Variants in PPP2R3A observed in about 807,000 individuals in gnomAD.
PPP2R3A encodes the protein protein phosphatase 2 regulatory subunit B''alpha.
Under a neutral mutation model 106.9 loss-of-function variants are expected in PPP2R3A, and 80 were observed. The observed-to-expected ratio is 0.75, with a 90% confidence interval of 0.62 to 0.90. The LOEUF is 0.90. PPP2R3A is among the 40% of genes least tolerant of loss of function. PPP2R3A has a pLI of 0.00. For synonymous variants in PPP2R3A, 483 were observed against 468.3 expected (o/e 1.03, Z -0.41); for missense variants, 1,386 against 1,350.4 (o/e 1.03, Z -0.41).
At chr3:136,023,026 G>T in intron 2 of PPP2R3A, 2 of 1,606,816 alleles carry the variant, frequency 1.2e-6, no homozygotes, top group Non-Finnish European at 1.7e-6. Flanking sequence ...ATTATCTTCA[G>T]AAGTGTGCTG....
chr3:136,059,553 A>G (rs1202430087), intron 5 of PPP2R3A, among the ~76,000 whole-genome samples: 1 of 152,156 alleles, frequency 6.6e-6, no homozygotes, highest in Admixed American at 6.5e-5. Flanking sequence ...TTCAATCATT[A>G]TGGAAGACAG....
At chr3:136,134,575 G>C (rs1416192102) in intron 13 of PPP2R3A, among the ~76,000 whole-genome samples, 1 of 152,054 alleles carries the variant, frequency 6.6e-6, no homozygotes, top group Non-Finnish European at 1.5e-5. Context: ...TATAATCTCA[G>C]TACTTAAAAT....
intron 13 of PPP2R3A, among the ~76,000 whole-genome samples, chr3:136,137,820 C>T (rs978496584): frequency 2.0e-5 from 3 of 151,956 alleles, no homozygotes; most frequent in Admixed American, 6.6e-5. Context: ...GGATTACAGG[C>T]GTGAGCCACC....
intron 1 of PPP2R3A, among the ~76,000 whole-genome samples, chr3:135,975,540 C>G (rs1384471468): frequency 6.6e-6 from 1 of 152,062 alleles, no homozygotes; most frequent in East Asian, 1.9e-4. Context: ...AGCTGATTTC[C>G]TAGATAATAA....
chr3:136,102,270 T>G, intron 11 of PPP2R3A, 88 bp downstream of exon 11: 1 of 1,417,346 alleles, frequency 7.1e-7, no homozygotes, highest in Non-Finnish European at 9.6e-7. Flanking sequence ...TTATTTAACA[T>G]TTCAGAGTCT....
chr3:136,019,383 TG>T (rs1200259986), intron 2 of PPP2R3A, among the ~76,000 whole-genome samples: 1 of 152,228 alleles, frequency 6.6e-6, no homozygotes, highest in Non-Finnish European at 1.5e-5. Flanking sequence ...TTCCTCATTC[TG>T]GTTAGTTCCT....
intron 5 of PPP2R3A, among the ~76,000 whole-genome samples, chr3:136,065,474 G>A: frequency 6.6e-6 from 1 of 151,944 alleles, no homozygotes; most frequent in Admixed American, 6.6e-5. Context: ...TTTTTATTAT[G>A]GAGAATTTTG....
chr3:135,980,308 G>A (rs1453780824), intron 1 of PPP2R3A, among the ~76,000 whole-genome samples: 1 of 151,702 alleles, frequency 6.6e-6, no homozygotes, highest in Non-Finnish European at 1.5e-5. Flanking sequence ...AACAAGGCAG[G>A]TCTCTAAGAA....
intron 2 of PPP2R3A, among the ~76,000 whole-genome samples, chr3:136,020,876 G>A (rs1378703564): frequency 1.3e-5 from 2 of 152,030 alleles, no homozygotes; most frequent in Non-Finnish European, 2.9e-5. Flanking sequence ...TTTGAGAGAC[G>A]TTACATAGTA....
intron 1 of PPP2R3A, among the ~76,000 whole-genome samples, chr3:135,999,455 T>C (rs1282287459): frequency 6.6e-6 from 1 of 152,220 alleles, no homozygotes; most frequent in Non-Finnish European, 1.5e-5. Context: ...TCCATCTAGT[T>C]AACTGGGCAT....
rs1015329040 is a variant in PPP2R3A at position 136,102,173 on chromosome 3, G to A, written c.3094G>A (p.Ala1032Thr). The change falls in exon 11 of 14, where the codon GCT becomes ACT. Residue 1032 changes from alanine (A) to threonine (T), a missense_variant. Ala to Thr is a moderately conservative substitution (Grantham distance 58). Coordinates refer to ENST00000264977, the MANE Select transcript of PPP2R3A (RefSeq NM_002718.5). ...CCAGATGCTTGACCTAGTGAAGCCA[G>A]CTGTTGATGGTGAGACCAAGCAATG... is the stretch of plus-strand genomic sequence containing the variant. ...LCQMLDLVKPAVDGKITLRDL... is the reference protein window; with the variant it reads ...LCQMLDLVKPTVDGKITLRDL... 1.7e-5 allele frequency: 27 copies of A among 1,612,882 alleles called. No individual in the cohort carries two copies. Among genetic ancestry groups the A allele is most frequent in the African/African-American group, 4.0e-5 (3 of 74,860 alleles).
At chr3:136,055,327 C>G in intron 5 of PPP2R3A, 2 of 929,360 alleles carry the variant, frequency 2.2e-6, no homozygotes, top group Non-Finnish European at 3.6e-6. Flanking sequence ...TTACATTGCT[C>G]AATTTTTTGA....
intron 1 of PPP2R3A, among the ~76,000 whole-genome samples, chr3:135,976,841 T>G (rs1269473049): frequency 6.6e-6 from 1 of 152,146 alleles, no homozygotes; most frequent in African/African-American, 2.4e-5. Context: ...TCATCTGAAA[T>G]TTATTTTTGT....
intron 13 of PPP2R3A, among the ~76,000 whole-genome samples, chr3:136,120,136 G>A (rs113788377): frequency 5.3e-5 from 8 of 151,988 alleles, no homozygotes; most frequent in African/African-American, 1.7e-4. Context: ...GCCTGTCCGG[G>A]GGGGGTGGGG....
At chr3:136,112,261 C>G (rs1478597456) in intron 13 of PPP2R3A, among the ~76,000 whole-genome samples, 1 of 152,126 alleles carries the variant, frequency 6.6e-6, no homozygotes, top group Non-Finnish European at 1.5e-5. Flanking sequence ...CTCACCACTG[C>G]TATTCAACAT....
chr3:136,078,490 T>C, intron 7 of PPP2R3A, 37 bp downstream of exon 7: 1 of 1,275,900 alleles, frequency 7.8e-7, no homozygotes, highest in Non-Finnish European at 1.1e-6. Context: ...TAATGAGCAA[T>C]TTAGATAATT....
chr3:136,072,395 C>T (rs1245356452), intron 6 of PPP2R3A, among the ~76,000 whole-genome samples: 1 of 152,162 alleles, frequency 6.6e-6, no homozygotes, highest in African/African-American at 2.4e-5. Flanking sequence ...CATTCAAGAC[C>T]AGCTTGGCCA....
At chr3:136,092,028 A>C (rs976030015) in intron 10 of PPP2R3A, among the ~76,000 whole-genome samples, 5 of 152,128 alleles carry the variant, frequency 3.3e-5, no homozygotes, top group Non-Finnish European at 7.4e-5. Context: ...GTTGGTACTC[A>C]AAAAGTTTTG....
At chr3:136,093,732 G>A (rs777792003) in intron 10 of PPP2R3A, among the ~76,000 whole-genome samples, 10 of 152,160 alleles carry the variant, frequency 6.6e-5, no homozygotes, top group African/African-American at 9.7e-5. Flanking sequence ...AGTTATCAAA[G>A]AGTCAGATAA....
Sources: allele counts gnomAD v4.1 joint callset (sites outside exome capture counted in the v4.1 genomes callset), GRCh38; gene constraint gnomAD v4.1.1; transcripts MANE v1.5; gene names NCBI Gene and HGNC (gene_info 2026-07-23, HGNC 2026-07-21).